Variants in ROBO1 observed in about 807,000 individuals in gnomAD.
ROBO1 encodes the protein roundabout homolog 1.
In ROBO1, 149 loss-of-function variants were observed where a neutral mutation model predicts 195.9. That is an observed-to-expected ratio of 0.76 (90% CI 0.67 to 0.87). ROBO1 has a LOEUF of 0.87. Among genes scored for constraint, ROBO1 ranks in the 40% least tolerant of loss-of-function variants. The pLI is 0.00. For missense variants in ROBO1, 1,933 were observed against 2,068.3 expected (o/e 0.93, Z 1.27); for synonymous variants, 816 against 733.2 (o/e 1.11, Z -1.82).
chr3:79,113,549 C>T (rs563660403), intron 3 of ROBO1, among the ~76,000 whole-genome samples: 31 of 152,162 alleles, frequency 2.0e-4, no homozygotes, highest in African/African-American at 6.5e-4. Flanking sequence ...GGGTGGATCA[C>T]CTGAGGTCAG....
At chr3:79,767,104 T>C (rs990564081) in intron 1 of ROBO1, among the ~76,000 whole-genome samples, 2 of 152,086 alleles carry the variant, frequency 1.3e-5, no homozygotes, top group Non-Finnish European at 2.9e-5. Flanking sequence ...ACTGCCTACA[T>C]ACCGCCAAGA....
intron 4 of ROBO1, among the ~76,000 whole-genome samples, chr3:78,878,905 TA>T (rs894918450): frequency 6.6e-6 from 1 of 152,150 alleles, no homozygotes; most frequent in African/African-American, 2.4e-5. Flanking sequence ...AATAAATAAA[TA>T]AAATAGTGCA....
chr3:78,849,831 T>TACACACACACAC (rs576994363), intron 4 of ROBO1, among the ~76,000 whole-genome samples: 65 of 79,704 alleles, frequency 8.2e-4, no homozygotes, highest in African/African-American at 2.0e-3. Context: ...TCTCTCCCAT[T>TACACACACACAC]ACACACACAC....
At chr3:78,725,558 T>A (rs1236401624) in intron 5 of ROBO1, among the ~76,000 whole-genome samples, 1 of 152,160 alleles carries the variant, frequency 6.6e-6, no homozygotes, top group Non-Finnish European at 1.5e-5. Flanking sequence ...GCTTACTGAA[T>A]AATTATAGAG....
At chr3:79,216,114 A>G (rs1231550760) in intron 2 of ROBO1, among the ~76,000 whole-genome samples, 1 of 152,146 alleles carries the variant, frequency 6.6e-6, no homozygotes, top group East Asian at 1.9e-4. Context: ...TTCTTTTAAA[A>G]TAAAATAAGC....
chr3:78,674,287 A>G (rs1041058496), intron 10 of ROBO1, among the ~76,000 whole-genome samples: 34 of 152,180 alleles, frequency 2.2e-4, no homozygotes, highest in Admixed American at 2.1e-3. Context: ...TCTGTGCTTC[A>G]TGTTTGATTC....
chr3:79,719,250 T>C (rs760388632), intron 1 of ROBO1, among the ~76,000 whole-genome samples: 2 of 152,098 alleles, frequency 1.3e-5, no homozygotes, highest in Admixed American at 6.5e-5. Context: ...CATGCAAAAT[T>C]ATGCCTAAGC....
At chr3:79,762,217 T>C (rs1332516065) in intron 1 of ROBO1, among the ~76,000 whole-genome samples, 3 of 152,048 alleles carry the variant, frequency 2.0e-5, no homozygotes, top group African/African-American at 7.2e-5. Context: ...CACTTTCTGC[T>C]TCATAGACAG....
chr3:78,972,353 C>T (rs1311775606), intron 3 of ROBO1, among the ~76,000 whole-genome samples: 1 of 152,160 alleles, frequency 6.6e-6, no homozygotes, highest in African/African-American at 2.4e-5. Context: ...ATAATCATAA[C>T]ATCATACCTT....
intron 2 of ROBO1, among the ~76,000 whole-genome samples, chr3:79,227,367 A>T (rs1384018655): frequency 6.6e-6 from 1 of 152,132 alleles, no homozygotes; most frequent in African/African-American, 2.4e-5. Context: ...TGTTTCTTCT[A>T]TCTCCTATAT....
intron 1 of ROBO1, among the ~76,000 whole-genome samples, chr3:79,595,018 C>T (rs528447455): frequency 1.3e-5 from 2 of 151,686 alleles, no homozygotes; most frequent in Admixed American, 1.3e-4. Flanking sequence ...TGTATAGAAC[C>T]ATGCAAACTC....
chr3:79,714,312 C>G (rs1702391239), intron 1 of ROBO1, among the ~76,000 whole-genome samples: 1 of 152,104 alleles, frequency 6.6e-6, no homozygotes, highest in South Asian at 2.1e-4. Flanking sequence ...CCATCTCACA[C>G]CAGTTAGAAT....
chr3:79,386,016 T>C (rs2036729763), intron 2 of ROBO1, among the ~76,000 whole-genome samples: 1 of 152,142 alleles, frequency 6.6e-6, no homozygotes, highest in South Asian at 2.1e-4. Context: ...GAAAATAACG[T>C]AAAATTGTGA....
chr3:78,733,484 C>T (rs566560613), intron 5 of ROBO1, among the ~76,000 whole-genome samples: 31 of 151,218 alleles, frequency 2.1e-4, no homozygotes, highest in South Asian at 4.2e-4. Flanking sequence ...GCAATCAGAA[C>T]GATTACAAGC....
intron 1 of ROBO1, among the ~76,000 whole-genome samples, chr3:79,731,651 AC>A (rs1235285993): frequency 6.6e-6 from 1 of 152,174 alleles, no homozygotes; most frequent in African/African-American, 2.4e-5. Flanking sequence ...ATATTAGCCC[AC>A]CCTATACTTC....
At chr3:79,765,644 C>T (rs1051347328) in intron 1 of ROBO1, among the ~76,000 whole-genome samples, 4 of 152,110 alleles carry the variant, frequency 2.6e-5, no homozygotes, top group African/African-American at 9.7e-5. Context: ...AGTGGATTTT[C>T]AACTTTTTTT....
chr3:79,030,214 C>T (rs2078269897), intron 3 of ROBO1, among the ~76,000 whole-genome samples: 1 of 152,078 alleles, frequency 6.6e-6, no homozygotes, highest in Admixed American at 6.6e-5. Context: ...TACTGTAATC[C>T]CTCCCCATTG....
intron 2 of ROBO1, among the ~76,000 whole-genome samples, chr3:79,155,048 C>T (rs2080834851): frequency 6.6e-6 from 1 of 151,758 alleles, no homozygotes; most frequent in Admixed American, 6.6e-5. Flanking sequence ...CACATGAGTG[C>T]CTCTCAAAGG....
intron 2 of ROBO1, among the ~76,000 whole-genome samples, chr3:79,251,770 A>AAAAC (rs1397958942): frequency 2.6e-5 from 4 of 151,962 alleles, no homozygotes; most frequent in Admixed American, 1.3e-4. Context: ...AAGCAAACAA[A>AAAAC]AAACAAACAA....
Sources: gnomAD v4.1 joint callset for allele counts (sites outside exome capture counted in the v4.1 genomes callset) on GRCh38, gnomAD v4.1.1 for gene constraint, MANE v1.5 for transcripts, NCBI Gene and HGNC (gene_info 2026-07-23, HGNC 2026-07-21) for gene names.